The following UBE2E2 variants were observed in gnomAD, a reference collection of about 807,000 sequenced individuals.
UBE2E2 encodes ubiquitin conjugating enzyme E2 E2, also known as ubiquitin-conjugating enzyme E2 E2.
In UBE2E2, 6 loss-of-function variants were observed where a neutral mutation model predicts 24.7. The ratio of observed to expected loss-of-function variants is 0.24; its 90% confidence interval spans 0.13 to 0.48. The LOEUF (loss-of-function observed/expected upper bound fraction) is 0.48. Ranked by LOEUF, UBE2E2 falls within the 20% of genes least tolerant of loss-of-function variation. UBE2E2 has a pLI of 0.99. For missense variants in UBE2E2, 169 were observed against 245.0 expected (o/e 0.69, Z 2.07); for synonymous variants, 104 against 83.6 (o/e 1.24, Z -1.33).
intron 3 of UBE2E2, among the ~76,000 whole-genome samples, chr3:23,293,488 T>C (rs995218370): frequency 2.6e-5 from 4 of 152,220 alleles, no homozygotes; most frequent in Non-Finnish European, 5.9e-5. Flanking sequence ...GTAGCCCAAC[T>C]TCATAGTTTT....
intron 3 of UBE2E2, among the ~76,000 whole-genome samples, chr3:23,376,900 G>A (rs1297339490): frequency 1.3e-5 from 2 of 152,074 alleles, no homozygotes; most frequent in African/African-American, 2.4e-5. Flanking sequence ...GCAAGGGGAG[G>A]GGTACCACTG....
chr3:23,472,100 T>C (rs1699043127), intron 3 of UBE2E2, among the ~76,000 whole-genome samples: 1 of 152,188 alleles, frequency 6.6e-6, no homozygotes, highest in South Asian at 2.1e-4. Flanking sequence ...AGAAGTTTTT[T>C]ACATGATATC....
intron 4 of UBE2E2, among the ~76,000 whole-genome samples, chr3:23,500,014 A>G (rs180950234): frequency 6.6e-5 from 10 of 152,034 alleles, no homozygotes; most frequent in Admixed American, 5.9e-4. Context: ...TTAAAACACC[A>G]TGTTTTATGG....
At chr3:23,383,261 C>T (rs1472273678) in intron 3 of UBE2E2, among the ~76,000 whole-genome samples, 2 of 151,698 alleles carry the variant, frequency 1.3e-5, no homozygotes, top group South Asian at 2.1e-4. Flanking sequence ...CAGCTGTGGA[C>T]ATACTGGATT....
chr3:23,388,900 A>G (rs1288474689), intron 3 of UBE2E2, among the ~76,000 whole-genome samples: 5 of 151,322 alleles, frequency 3.3e-5, no homozygotes, highest in African/African-American at 1.2e-4. Context: ...TACTCAGGAG[A>G]CTGAGGCAGG....
intron 3 of UBE2E2, among the ~76,000 whole-genome samples, chr3:23,302,955 C>T (rs553393611): frequency 1.3e-5 from 2 of 152,136 alleles, no homozygotes; most frequent in East Asian, 3.8e-4. Context: ...GTCCCCAGTT[C>T]CCATGACACA....
intron 3 of UBE2E2, among the ~76,000 whole-genome samples, chr3:23,485,194 A>C (rs1699338355): frequency 6.7e-6 from 1 of 150,330 alleles, no homozygotes; most frequent in Admixed American, 6.7e-5. Context: ...TCCAGGGTTC[A>C]AACCTCCCAA....
rs527428661 is a variant in UBE2E2 at position 23,465,861 on chromosome 3, T to C, written c.228-33747T>C. ...TTTGTTTAACTATAACTCAGAGTTA[T>C]ATAGTATGCCTCACATTCTCACAAA... On this transcript the variant is annotated intron_variant, in intron 3 of 5. Coordinates refer to ENST00000396703, the MANE Select transcript of UBE2E2 (RefSeq NM_152653.4). Among the ~76,000 whole-genome samples the C allele has an allele frequency of 1.5e-4, 23 of 152,338 alleles. 1 individual carries two copies. The South Asian group carries it at 4.4e-3, about 29-fold the overall frequency.
At chr3:23,566,273 C>G (rs888496621) in intron 5 of UBE2E2, among the ~76,000 whole-genome samples, 1 of 152,188 alleles carries the variant, frequency 6.6e-6, no homozygotes, top group Non-Finnish European at 1.5e-5. Context: ...TTTGGGACAT[C>G]AAGTTATTGG....
At chr3:23,342,574 TTATA>T (rs766644802) in intron 3 of UBE2E2, among the ~76,000 whole-genome samples, 16 of 152,228 alleles carry the variant, frequency 1.1e-4, no homozygotes, top group Admixed American at 3.3e-4. Flanking sequence ...ATGCCCCTGG[TTATA>T]GAATGCACAT....
chr3:23,458,933 A>G (rs761414517), intron 3 of UBE2E2, among the ~76,000 whole-genome samples: 2 of 152,220 alleles, frequency 1.3e-5, no homozygotes, highest in Non-Finnish European at 1.5e-5. Flanking sequence ...AAAACACGGC[A>G]TGCCTGTAAA....
intron 4 of UBE2E2, among the ~76,000 whole-genome samples, chr3:23,531,638 G>T (rs910145232): frequency 1.3e-5 from 2 of 152,102 alleles, no homozygotes; most frequent in Non-Finnish European, 2.9e-5. Context: ...GAAGGAAAAG[G>T]TTTCTAAATT....
chr3:23,270,076 C>T (rs1430293971), intron 3 of UBE2E2, among the ~76,000 whole-genome samples: 1 of 151,994 alleles, frequency 6.6e-6, no homozygotes, highest in Non-Finnish European at 1.5e-5. Context: ...GGCTACCACC[C>T]CAGCAGCAAT....
chr3:23,476,555 T>C (rs1699142436), intron 3 of UBE2E2, among the ~76,000 whole-genome samples: 1 of 151,904 alleles, frequency 6.6e-6, no homozygotes, highest in Non-Finnish European at 1.5e-5. Flanking sequence ...ATTAATGGGG[T>C]CTGGTGGCAT....
chr3:23,270,206 G>A (rs1698197864), intron 3 of UBE2E2, among the ~76,000 whole-genome samples: 1 of 140,342 alleles, frequency 7.1e-6, no homozygotes, highest in Non-Finnish European at 1.5e-5. Flanking sequence ...CTCCTTTTGT[G>A]TAGTGGGCTC....
intron 3 of UBE2E2, among the ~76,000 whole-genome samples, chr3:23,382,861 G>T (rs969934284): frequency 6.6e-6 from 1 of 151,942 alleles, no homozygotes; most frequent in African/African-American, 2.4e-5. Flanking sequence ...TGAAGGGAAT[G>T]ACAGTTTTTA....
At chr3:23,587,949 A>G (rs1429122314) in intron 5 of UBE2E2, among the ~76,000 whole-genome samples, 2 of 152,180 alleles carry the variant, frequency 1.3e-5, no homozygotes, top group East Asian at 3.8e-4. Context: ...CCCTGGAATA[A>G]TTATTACGAG....
At chr3:23,217,903 G>A (rs897700710) in intron 3 of UBE2E2, among the ~76,000 whole-genome samples, 6 of 152,074 alleles carry the variant, frequency 3.9e-5, no homozygotes, top group African/African-American at 9.7e-5. Flanking sequence ...AATGGTTAAT[G>A]TTATAAAGAT....
chr3:23,417,999 G>C (rs766305550), intron 3 of UBE2E2, among the ~76,000 whole-genome samples: 1 of 152,134 alleles, frequency 6.6e-6, no homozygotes, highest in Non-Finnish European at 1.5e-5. Context: ...TGGGCTCCGT[G>C]GGGGTGGGAT....
Sources: gnomAD v4.1 joint callset for allele counts (sites outside exome capture counted in the v4.1 genomes callset) on GRCh38, gnomAD v4.1.1 for gene constraint, MANE v1.5 for transcripts, NCBI Gene and HGNC (gene_info 2026-07-23, HGNC 2026-07-21) for gene names.